The following PCDHGA10 variants were observed in gnomAD, a reference collection of about 807,000 sequenced individuals.
The protein encoded by PCDHGA10 is protocadherin gamma-A10.
Under a neutral mutation model 59.5 loss-of-function variants are expected in PCDHGA10, and 42 were observed. The ratio of observed to expected loss-of-function variants is 0.71; its 90% CI spans 0.55 to 0.91. The LOEUF (loss-of-function observed/expected upper bound fraction) is 0.91. Among genes scored for constraint, PCDHGA10 ranks in the 40% least tolerant of loss-of-function variants. The pLI is 0.00. For synonymous variants in PCDHGA10, 511 were observed against 517.2 expected (o/e 0.99, Z 0.16); for missense variants, 1,111 against 1,198.2 (o/e 0.93, Z 1.07).
chr5:141,454,657 CG>C (rs1313292109), intron 1 of PCDHGA10, among the ~76,000 whole-genome samples: 1 of 152,074 alleles, frequency 6.6e-6, no homozygotes, highest in Admixed American at 6.6e-5. Flanking sequence ...CTGCCCACCT[CG>C]GCCTCCCAAA....
chr5:141,477,169 G>A lies in PCDHGA10; in HGVS notation c.2437-17638G>A. 6.2e-7 allele frequency: 1 copy of A among 1,614,198 alleles called. No individual in the cohort carries two copies. The highest frequency in any genetic ancestry group is 8.5e-7 in the Non-Finnish European group (1 of 1,180,042). The stretch of plus-strand genomic sequence containing the variant: ...TGGATGTGAATGACAACGCCCCGGA[G>A]ATCACAGTCACCTCCGTGTACAGCC... On this transcript the variant is annotated intron_variant, in intron 1 of 3. Transcript: ENST00000398610. The surrounding 1 kb of genome is among the most constrained non-coding windows in gnomAD (Gnocchi z 4.9).
At position 141,476,193 on chromosome 5, in the gene PCDHGA10, T is replaced by C. The variant is rs1224461188; in HGVS notation, c.2437-18614T>C. On this transcript the variant is annotated intron_variant, in intron 1 of 3. Coordinates refer to ENST00000398610, the MANE Select transcript of PCDHGA10 (RefSeq NM_018913.3). The surrounding 1 kb of genome is among the most constrained non-coding windows in gnomAD (Gnocchi z 7.6). The stretch of plus-strand genomic sequence containing the variant: ...GGAGTTTTGCTTCTGCTTGGTGCCT[T>C]GAACAAGGCTTCCACGGTCATTCAC... The C allele has an allele frequency of 6.2e-7, 1 of 1,613,812 alleles. No homozygotes were observed. Among genetic ancestry groups the C allele is most frequent in the South Asian group, 1.1e-5 (1 of 91,068 alleles).
Position 141,487,203 on chromosome 5 carries a change from G to A in PCDHGA10, c.2437-7604G>A, listed in dbSNP as rs765707343. 6.8e-6 allele frequency: 11 copies of A among 1,613,804 alleles called. No homozygotes were observed. The highest frequency in any genetic ancestry group is 5.3e-5 in the African/African-American group (4 of 74,890). The stretch of plus-strand genomic sequence containing the variant: ...ACTCATCCAGTTGTCCCAGATCTTC[G>A]AGAATCTTCAGCTCCAAGGGAAGGA... On this transcript the variant is annotated intron_variant, in intron 1 of 3. Transcript: ENST00000398610. This position sits in a 1 kb window ranked among gnomAD's most constrained non-coding sequence, Gnocchi z 5.0.
At chr5:141,456,731 G>A (rs1282690673) in intron 1 of PCDHGA10, among the ~76,000 whole-genome samples, 1 of 152,214 alleles carries the variant, frequency 6.6e-6, no homozygotes, top group Non-Finnish European at 1.5e-5. Flanking sequence ...TTGGGAGGCT[G>A]AGGCGGGAGC....
chr5:141,418,323 A>G, intron 1 of PCDHGA10: 2 of 1,614,004 alleles, frequency 1.2e-6, no homozygotes, highest in Non-Finnish European at 1.7e-6. Flanking sequence ...ACAATTCTTG[A>G]GTCTGCAGAA....
At chr5:141,419,936 G>C in intron 1 of PCDHGA10, 1 of 1,614,074 alleles carries the variant, frequency 6.2e-7, no homozygotes, top group Non-Finnish European at 8.5e-7. Context: ...GTTTTACCTG[G>C]TGGTGGCCTT....
chr5:141,441,633 C>T, intron 1 of PCDHGA10: 1 of 226,756 alleles, frequency 4.4e-6, no homozygotes, highest in Non-Finnish European at 8.9e-6. Flanking sequence ...CCTGGAGCCA[C>T]AGGCGCTGTG....
At chr5:141,420,291 G>A in intron 1 of PCDHGA10, 1 of 1,494,346 alleles carries the variant, frequency 6.7e-7, no homozygotes, top group Non-Finnish European at 9.0e-7. Context: ...ATTTAAAAAT[G>A]TATTTAATCC....
intron 1 of PCDHGA10, among the ~76,000 whole-genome samples, chr5:141,443,514 C>T (rs1386662758): frequency 6.6e-6 from 1 of 152,056 alleles, no homozygotes; most frequent in Non-Finnish European, 1.5e-5. Flanking sequence ...AAGAGCTTCT[C>T]TCCTTATGAC....
chr5:141,501,635 T>G (rs553343946), intron 2 of PCDHGA10, among the ~76,000 whole-genome samples: 1 of 152,236 alleles, frequency 6.6e-6, no homozygotes, highest in African/African-American at 2.4e-5. Flanking sequence ...TCTCAACCTC[T>G]CTGAGCCCTG....
rs749415234 is a variant in PCDHGA10 at position 141,419,462 on chromosome 5, C to G, written c.2436+3851C>G. 9 of 1,612,582 alleles carry G rather than the reference C, an allele frequency of 5.6e-6. 1 individual carries two copies. The highest frequency in any genetic ancestry group is 1.7e-5 in the Admixed American group (1 of 59,984). On this transcript the variant is annotated intron_variant, in intron 1 of 3. Transcript: ENST00000398610. ...CACCTTCGAGCTCACGCTGCAGGCC[C>G]GCGACCAGGGCTCGCCCGCGCTCAG... is the stretch of plus-strand genomic sequence containing the variant.
In PCDHGA10 at chr5:141,413,327, A is replaced by G. The variant is rs200027912; in HGVS notation, c.152A>G (p.Asn51Ser). ...EELEKGSFVG[N>S]ISKDLGLAPR... The stretch of plus-strand genomic sequence containing the variant: ...TTAGAGAAAGGCTCTTTCGTGGGCA[A>G]CATCTCCAAGGACTTGGGTCTGGCG... The change falls in exon 1 of 4, where the codon AAC (asparagine) becomes AGC (serine). Residue 51 changes from asparagine (N) to serine (S), a missense_variant. By Grantham distance (46) the Asn-to-Ser change is conservative (BLOSUM62 1). Coordinates refer to ENST00000398610, the MANE Select transcript of PCDHGA10 (RefSeq NM_018913.3). 6.2e-7 allele frequency: 1 copy of G among 1,613,984 alleles called. No individual in the cohort carries two copies. The highest frequency in any genetic ancestry group is 8.5e-7 in the Non-Finnish European group (1 of 1,179,906).
chr5:141,510,582 A>G (rs1156375287), intron 3 of PCDHGA10, among the ~76,000 whole-genome samples: 2 of 152,166 alleles, frequency 1.3e-5, no homozygotes, highest in Non-Finnish European at 2.9e-5. Context: ...TATTTTACGT[A>G]CCTGACATAC....
In PCDHGA10 at chr5:141,413,935, A is replaced by G; in HGVS notation, c.760A>G (p.Ser254Gly). ...PVFTLPEYRVSVPENLPVGTQ... is the reference protein window; with the variant it reads ...PVFTLPEYRVGVPENLPVGTQ... ...CTTCACCTTGCCAGAATACCGAGTG[A>G]GTGTTCCTGAGAATTTGCCTGTGGG... is the stretch of plus-strand genomic sequence containing the variant. The change falls in exon 1 of 4, where the codon AGT (serine) becomes GGT (glycine). Residue 254 changes from serine (S) to glycine (G), a missense_variant. By Grantham distance (56) the Ser-to-Gly change is moderately conservative. Coordinates refer to ENST00000398610, the MANE Select transcript of PCDHGA10 (RefSeq NM_018913.3). 2 of 1,613,372 alleles carry G rather than the reference A, an allele frequency of 1.2e-6. No individual in the cohort carries two copies. The highest frequency in any genetic ancestry group is 1.7e-6 in the Non-Finnish European group (2 of 1,179,874).
intron 1 of PCDHGA10, among the ~76,000 whole-genome samples, chr5:141,434,451 A>C (rs145324240): frequency 6.6e-6 from 1 of 152,210 alleles, no homozygotes; most frequent in Non-Finnish European, 1.5e-5. Context: ...GCTGGAAGGT[A>C]GTGGGTTTAC....
intron 1 of PCDHGA10, among the ~76,000 whole-genome samples, chr5:141,481,620 C>G (rs1449979532): frequency 6.6e-6 from 1 of 152,112 alleles, no homozygotes; most frequent in African/African-American, 2.4e-5. Context: ...GAGTTCAAGA[C>G]CGGCCTGGCC....
At chr5:141,437,896 C>T (rs943440712) in intron 1 of PCDHGA10, among the ~76,000 whole-genome samples, 2 of 152,128 alleles carry the variant, frequency 1.3e-5, no homozygotes, top group African/African-American at 4.8e-5. Flanking sequence ...CGCCACCACA[C>T]CCAGCTAATT....
At chr5:141,437,895 A>G (rs911855268) in intron 1 of PCDHGA10, among the ~76,000 whole-genome samples, 23 of 151,954 alleles carry the variant, frequency 1.5e-4, no homozygotes, top group African/African-American at 4.8e-4. Flanking sequence ...ACGCCACCAC[A>G]CCCAGCTAAT....
chr5:141,508,045 T>A (rs985875804), intron 3 of PCDHGA10: 1 of 152,264 alleles, frequency 6.6e-6, no homozygotes, highest in Non-Finnish European at 1.5e-5. Flanking sequence ...GCCAGCTGTG[T>A]TCCAGCTAAT....
Sources: allele counts gnomAD v4.1 joint callset (sites outside exome capture counted in the v4.1 genomes callset), GRCh38; gene constraint gnomAD v4.1.1; non-coding constraint Gnocchi (gnomAD v3.1); transcripts MANE v1.5; gene names NCBI Gene and HGNC (gene_info 2026-07-23, HGNC 2026-07-21).